GTF2H3: variants seen among roughly 807,000 people sequenced by gnomAD.
GTF2H3 encodes the protein TFIIH basal transcription factor complex p34 subunit.
In GTF2H3, 42 loss-of-function variants were observed where a neutral mutation model predicts 51.1. The observed-to-expected ratio is 0.82, with a 90% confidence interval of 0.64 to 1.06. The LOEUF is 1.06. GTF2H3 is among the 50% of genes least tolerant of loss of function. The pLI is 0.00. For synonymous variants in GTF2H3, 123 were observed against 123.8 expected (o/e 0.99, Z 0.04); for missense variants, 326 against 366.1 (o/e 0.89, Z 0.89).
chr12:123,633,897 T>G, intron 1 of GTF2H3, 25 bp downstream of exon 1: 1 of 1,612,738 alleles, frequency 6.2e-7, no homozygotes, highest in Non-Finnish European at 8.5e-7. Context: ...GGGCGGGACT[T>G]CGACTCCGGG....
chr12:123,651,135 T>C, intron 5 of GTF2H3, 79 bp downstream of exon 5: 1 of 1,027,688 alleles, frequency 9.7e-7, no homozygotes, highest in Admixed American at 1.8e-5. Context: ...CTTAGGACCT[T>C]GGGTGCCCAT....
rs147896055 is a variant in GTF2H3, at chr12:123,660,169, A to G, written c.861A>G (p.Thr287=). 15 of 1,611,634 alleles carry G rather than the reference A, an allele frequency of 9.3e-6. No homozygotes were observed. The Middle Eastern group carries it at 1.2e-3, about 129-fold the overall frequency. The change falls in exon 13 of 13, where the codon ACA becomes ACG. Residue 287 remains threonine, a synonymous_variant. Transcript: ENST00000543341. ...GTTTTCCTCTCTGTAATTTCAGGAC[A>G]GCCTTTAAAATTTCTCTGCCTCCAG... is the stretch of plus-strand genomic sequence containing the variant. ...NFSPICTTCE[T]AFKISLPPVL...
At chr12:123,638,997 G>A (rs11572932) in intron 1 of GTF2H3, among the ~76,000 whole-genome samples, 2,101 of 151,462 alleles carry the variant, frequency 0.014, 41 homozygotes, top group African/African-American at 0.048. Flanking sequence ...GGGTTTCACC[G>A]TGTTAGCCAG....
At chr12:123,655,714 T>A in intron 8 of GTF2H3, 57 bp from the exon 9 acceptor site, 1 of 1,013,414 alleles carries the variant, frequency 9.9e-7, no homozygotes, top group Non-Finnish European at 1.6e-6. Context: ...AGGTTCTCAG[T>A]ATAGGGTAAT....
chr12:123,651,077 A>G, intron 5 of GTF2H3, 21 bp downstream of exon 5: 2 of 1,571,846 alleles, frequency 1.3e-6, no homozygotes, highest in Non-Finnish European at 1.8e-6. Context: ...TGTCTGAATC[A>G]TTTAGAAGGT....
chr12:123,654,321 TTG>T (rs1011207910), intron 7 of GTF2H3, among the ~76,000 whole-genome samples: 12 of 146,504 alleles, frequency 8.2e-5, no homozygotes, highest in East Asian at 8.1e-4. Flanking sequence ...GTGTATTTGG[TTG>T]TGTGTGTGTG....
intron 11 of GTF2H3, 25 bp from the exon 12 acceptor site, chr12:123,660,018 ATTG>A (rs1955637442): frequency 6.3e-7 from 1 of 1,584,352 alleles, no homozygotes; most frequent in African/African-American, 1.4e-5. Context: ...CAGCCACCCT[ATTG>A]TTTCTTTTTT....
chr12:123,654,214 T>C (rs1431576693), intron 7 of GTF2H3, among the ~76,000 whole-genome samples: 1 of 144,124 alleles, frequency 6.9e-6, no homozygotes, highest in African/African-American at 2.5e-5. Context: ...TGGGTGTATT[T>C]TGGGTTTGTG....
chr12:123,648,862 C>T lies in GTF2H3; in HGVS notation c.364+736C>T, dbSNP rs186456833. The stretch of plus-strand genomic sequence containing the variant: ...AGGGACGGGGTCTCACTATGTTGCC[C>T]AGGCTGGTCTTGAACTCCTGGGCTC... On this transcript the variant is annotated intron_variant, in intron 4 of 12. Coordinates refer to ENST00000543341, the MANE Select transcript of GTF2H3 (RefSeq NM_001516.5). Among the ~76,000 whole-genome samples, 21 of 152,284 alleles carry T rather than the reference C, an allele frequency of 1.4e-4. No individual in the cohort carries two copies. In the East Asian group the frequency reaches 4.0e-3, roughly 29 times the overall value.
At position 123,659,773 on chromosome 12, in the gene GTF2H3, CTTTTG is replaced by C. The variant is rs1339235367; in HGVS notation, c.685-18_685-14del. The C allele has an allele frequency of 6.2e-7, 1 of 1,602,028 alleles. No homozygotes were observed. Among genetic ancestry groups the C allele is most frequent in the Non-Finnish European group, 8.5e-7 (1 of 1,175,928 alleles). ...TTTCCCATGTTTTAAATAAAAGTTT[CTTTTG>C]TTTGTTTGTTTTACAGTGGGTGTTT... On this transcript the variant is annotated splice_polypyrimidine_tract_variant and intron_variant, in intron 10 of 12. Transcript: ENST00000543341.
intron 9 of GTF2H3, among the ~76,000 whole-genome samples, chr12:123,657,109 G>T (rs1955596295): frequency 6.6e-6 from 1 of 151,494 alleles, no homozygotes; most frequent in South Asian, 2.1e-4. Flanking sequence ...TTGGTTCTCA[G>T]AACAGCTGTC....
intron 7 of GTF2H3, among the ~76,000 whole-genome samples, chr12:123,653,697 G>A (rs1363979714): frequency 2.0e-5 from 3 of 151,856 alleles, no homozygotes; most frequent in Admixed American, 6.6e-5. Flanking sequence ...ATTGTTTGTT[G>A]CTTAGCACAA....
At chr12:123,637,288 C>G (rs1040629421) in intron 1 of GTF2H3, among the ~76,000 whole-genome samples, 1 of 151,944 alleles carries the variant, frequency 6.6e-6, no homozygotes, top group African/African-American at 2.4e-5. Context: ...GTAGTCCTTA[C>G]TACTGGGGAG....
chr12:123,651,962 C>G (rs1285607649), intron 5 of GTF2H3, among the ~76,000 whole-genome samples: 1 of 152,124 alleles, frequency 6.6e-6, no homozygotes, highest in Admixed American at 6.6e-5. Context: ...TTGATAAATT[C>G]AGACTTTTTA....
In GTF2H3 at chr12:123,660,077, G is replaced by A. The variant is rs756617783; in HGVS notation, c.852G>A (p.Thr284=). The part of the protein sequence containing the change: ...IFCNFSPICT[T]CETAFKISLP... ...GCAATTTCAGCCCCATTTGTACTAC[G>A]TGCGAGTAAGTATCTTTGAGATTGT... The change falls in exon 12 of 13, where the codon ACG becomes ACA. Residue 284 remains threonine (T), a synonymous_variant. Coordinates refer to ENST00000543341, the MANE Select transcript of GTF2H3 (RefSeq NM_001516.5). The A allele has an allele frequency of 1.0e-5, 16 of 1,606,572 alleles. No individual in the cohort carries two copies. Among genetic ancestry groups the A allele is most frequent in the South Asian group, 3.4e-5 (3 of 89,110 alleles).
At chr12:123,647,208 G>A (rs373855002) in intron 3 of GTF2H3, among the ~76,000 whole-genome samples, 13 of 149,252 alleles carry the variant, frequency 8.7e-5, no homozygotes, top group African/African-American at 3.2e-4. Context: ...GGTGGCTCAC[G>A]CCTGTAATCC....
intron 2 of GTF2H3, chr12:123,640,123 G>C (rs918539385): frequency 2.7e-6 from 1 of 364,786 alleles, no homozygotes; most frequent in African/African-American, 2.1e-5. Context: ...GCTTCCTAAA[G>C]TGTTGGGATT....
At position 123,659,893 on chromosome 12, in the gene GTF2H3, C is replaced by T. The variant is rs1278848650; in HGVS notation, c.783C>T (p.Leu261=). ...YRAACFCHRN[L]IEIGYVCSVC... is the part of the protein sequence containing the mutation. ...CTGCTTGCTTCTGTCATCGAAATCT[C>T]ATTGAAATTGGTTATGTCTGTTCTG... The change falls in exon 11 of 13, where the codon CTC becomes CTT. Residue 261 remains leucine, a synonymous_variant. Transcript: ENST00000543341. 1.2e-6 allele frequency: 2 copies of T among 1,614,022 alleles called. No homozygotes were observed. Among genetic ancestry groups the T allele is most frequent in the Non-Finnish European group, 1.7e-6 (2 of 1,180,034 alleles).
chr12:123,656,432 ATT>A, intron 9 of GTF2H3, among the ~76,000 whole-genome samples: 1 of 152,156 alleles, frequency 6.6e-6, no homozygotes, highest in Admixed American at 6.6e-5. Flanking sequence ...CAGTCTACAC[ATT>A]GTCTATTAAC....
Sources: gnomAD v4.1 joint callset for allele counts (sites outside exome capture counted in the v4.1 genomes callset) on GRCh38, gnomAD v4.1.1 for gene constraint, MANE v1.5 for transcripts, NCBI Gene and HGNC (gene_info 2026-07-23, HGNC 2026-07-21) for gene names.